Variants in KIAA0825 observed in about 807,000 individuals in gnomAD.
KIAA0825 encodes KIAA0825.
A neutral mutation model predicts 147.6 loss-of-function variants in KIAA0825; 119 were observed. The observed-to-expected ratio is 0.81, with a 90% CI of 0.69 to 0.94. The LOEUF is 0.94. Among genes scored for constraint, KIAA0825 ranks in the 40% least tolerant of loss-of-function variants. The pLI, the probability that KIAA0825 is intolerant of heterozygous loss-of-function variation, is 0.00. For missense variants in KIAA0825, 1,381 were observed against 1,472.7 expected (o/e 0.94, Z 1.02); for synonymous variants, 470 against 518.1 (o/e 0.91, Z 1.26).
intron 20 of KIAA0825, among the ~76,000 whole-genome samples, chr5:94,362,622 T>C (rs1032462676): frequency 7.2e-6 from 1 of 139,346 alleles, no homozygotes; most frequent in Non-Finnish European, 1.7e-5. Flanking sequence ...ACTGTACTTA[T>C]ATGGTAACTT....
chr5:94,306,376 C>A (rs1440139812), intron 20 of KIAA0825, among the ~76,000 whole-genome samples: 1 of 151,716 alleles, frequency 6.6e-6, no homozygotes, highest in Non-Finnish European at 1.5e-5. Flanking sequence ...AAAAGATATG[C>A]CCTCATCATT....
rs1750636403 is a variant in KIAA0825 at position 94,396,225 on chromosome 5, T to C, written c.3172A>G (p.Ile1058Val). 2 of 1,551,680 alleles carry C rather than the reference T, an allele frequency of 1.3e-6. No homozygotes were observed. The highest frequency in any genetic ancestry group is 1.7e-4 in the Middle Eastern group (1 of 6,014). Residue 1058 changes from isoleucine (I) to valine (V), a missense_variant, in exon 17 of 21, where the codon ATC becomes GTC. Physicochemically the swap from Ile to Val is conservative, Grantham distance 29 (BLOSUM62 3). Transcript: ENST00000682413. ...LGLICMCLKS[I>V]MGDQTSIHNQ... is the part of the protein sequence containing the mutation. The stretch of plus-strand genomic sequence containing the variant: ...TGGATACTTGTCTGGTCTCCCATGA[T>C]GCTTTTCAAACACATACAAATTAAA...
intron 2 of KIAA0825, among the ~76,000 whole-genome samples, chr5:94,554,109 G>A (rs1055520851): frequency 1.3e-5 from 2 of 152,200 alleles, no homozygotes; most frequent in East Asian, 3.8e-4. Context: ...CTTCTATGGT[G>A]ATAGGAGAGA....
At chr5:94,592,490 C>G (rs1283641003) in intron 1 of KIAA0825, among the ~76,000 whole-genome samples, 2 of 152,138 alleles carry the variant, frequency 1.3e-5, no homozygotes, top group African/African-American at 4.8e-5. Context: ...GCTATGACTC[C>G]TGGGATATGA....
intron 2 of KIAA0825, among the ~76,000 whole-genome samples, chr5:94,548,847 A>T (rs2151424665): frequency 6.6e-6 from 1 of 152,304 alleles, no homozygotes; most frequent in Non-Finnish European, 1.5e-5. Context: ...TCATTATATT[A>T]TGATAAAGGG....
intron 2 of KIAA0825, among the ~76,000 whole-genome samples, chr5:94,548,921 A>G (rs1433199744): frequency 6.6e-6 from 1 of 152,218 alleles, no homozygotes; most frequent in Non-Finnish European, 1.5e-5. Context: ...GAGCATCCAG[A>G]TATTATAATA....
rs192928810 is a variant in KIAA0825, at chr5:94,175,805, A to C, written c.3711-21681T>G. On this transcript the variant is annotated intron_variant, in intron 20 of 20. Coordinates refer to ENST00000682413, the MANE Select transcript of KIAA0825 (RefSeq NM_001145678.3). The stretch of plus-strand genomic sequence containing the variant: ...ATTAAAAATAACAGTTGACATTGAG[A>C]TATTTAGTAAACAAAATCATTCTAG... 3.9e-5 allele frequency among the ~76,000 whole-genome samples: 6 copies of C among 152,272 alleles called. No homozygotes were observed. In the East Asian group the frequency reaches 9.6e-4, roughly 24 times the overall value.
intron 20 of KIAA0825, among the ~76,000 whole-genome samples, chr5:94,186,014 C>G (rs948986581): frequency 3.9e-5 from 6 of 152,150 alleles, no homozygotes; most frequent in Non-Finnish European, 8.8e-5. Flanking sequence ...ATTTTCAAAA[C>G]TCAGACTTTG....
intron 1 of KIAA0825, among the ~76,000 whole-genome samples, chr5:94,589,938 C>T (rs1039504363): frequency 6.6e-6 from 1 of 151,524 alleles, no homozygotes; most frequent in Non-Finnish European, 1.5e-5. Flanking sequence ...CATGATCTCT[C>T]GGTTAGGTTA....
intron 2 of KIAA0825, among the ~76,000 whole-genome samples, chr5:94,580,219 C>T (rs1781828229): frequency 6.6e-6 from 1 of 151,994 alleles, no homozygotes; most frequent in African/African-American, 2.4e-5. Flanking sequence ...AAACCAGAGC[C>T]AGGTGTTTCA....
intron 20 of KIAA0825, among the ~76,000 whole-genome samples, chr5:94,257,059 G>A (rs950295946): frequency 6.6e-6 from 1 of 152,070 alleles, no homozygotes; most frequent in Non-Finnish European, 1.5e-5. Context: ...AGGGACACAT[G>A]TGACAACTAA....
At chr5:94,249,178 T>G (rs1485068464) in intron 20 of KIAA0825, among the ~76,000 whole-genome samples, 2 of 152,074 alleles carry the variant, frequency 1.3e-5, no homozygotes, top group African/African-American at 4.8e-5. Flanking sequence ...AACATTAACT[T>G]TGAGGAATTT....
chr5:94,395,672 C>T (rs982343083), intron 17 of KIAA0825, among the ~76,000 whole-genome samples: 4 of 152,048 alleles, frequency 2.6e-5, no homozygotes, highest in African/African-American at 9.7e-5. Flanking sequence ...ACCTTTTTGA[C>T]AATCAGGTAC....
At chr5:94,175,699 T>C (rs745879213) in intron 20 of KIAA0825, among the ~76,000 whole-genome samples, 8 of 152,192 alleles carry the variant, frequency 5.3e-5, no homozygotes, top group Non-Finnish European at 1.0e-4. Flanking sequence ...CATTAATTGA[T>C]CAAGTTAAAG....
intron 12 of KIAA0825, 104 bp from the exon 13 acceptor site, chr5:94,453,173 TG>T: frequency 1.5e-6 from 1 of 679,264 alleles, no homozygotes; most frequent in Non-Finnish European, 2.5e-6. Flanking sequence ...TGATTTTTTT[TG>T]TTTGTTTCTT....
intron 12 of KIAA0825, among the ~76,000 whole-genome samples, chr5:94,460,463 C>T (rs1030469688): frequency 2.0e-5 from 3 of 152,034 alleles, no homozygotes; most frequent in Admixed American, 6.6e-5. Flanking sequence ...TCAGTTTATC[C>T]GTCAGAACTA....
chr5:94,373,855 A>G (rs1281971476), intron 20 of KIAA0825, among the ~76,000 whole-genome samples: 1 of 152,190 alleles, frequency 6.6e-6, no homozygotes, highest in Non-Finnish European at 1.5e-5. Flanking sequence ...TGTCACAGTA[A>G]AAATATCTTC....
At chr5:94,352,942 G>A (rs996552570) in intron 20 of KIAA0825, among the ~76,000 whole-genome samples, 1 of 147,098 alleles carries the variant, frequency 6.8e-6, no homozygotes, top group East Asian at 2.2e-4. Flanking sequence ...TGGGAGGGGG[G>A]TGAGGGCTAC....
rs1051942155 is a variant in KIAA0825 at position 94,151,448 on chromosome 5, A to C, written c.*2559T>G. On this transcript the variant is annotated 3_prime_UTR_variant, in exon 21 of 21. Transcript: ENST00000682413. ...CAAAAAAAAAAAAAAAAAAAAAAAA[A>C]AAACATATTGAGTATAAAGTCAAAA... Among the ~76,000 whole-genome samples the C allele has an allele frequency of 2.6e-5, 4 of 151,342 alleles. No homozygotes were observed. The highest frequency in any genetic ancestry group is 4.4e-5 in the Non-Finnish European group (3 of 67,782).
Sources: gnomAD v4.1 joint callset for allele counts (sites outside exome capture counted in the v4.1 genomes callset) on GRCh38, gnomAD v4.1.1 for gene constraint, MANE v1.5 for transcripts, NCBI Gene and HGNC (gene_info 2026-07-23, HGNC 2026-07-21) for gene names.